Variants in ITIH5 observed in about 807,000 individuals in gnomAD.
ITIH5 encodes the protein inter-alpha-trypsin inhibitor heavy chain H5.
ITIH5 carries 65 observed loss-of-function variants against 77.5 expected under a neutral mutation model. The ratio of observed to expected loss-of-function variants is 0.84; its 90% CI spans 0.69 to 1.03. The LOEUF (loss-of-function observed/expected upper bound fraction) is 1.03, where lower values mean the gene tolerates loss of function less well. ITIH5 is among the 50% of genes least tolerant of loss of function. The pLI is 0.00. For missense variants in ITIH5, 1,208 were observed against 1,213.1 expected (o/e 1.00, Z 0.06); for synonymous variants, 525 against 494.3 (o/e 1.06, Z -0.82).
At position 7,637,221 on chromosome 10, in the gene ITIH5, G is replaced by A. The variant is rs1833812608; in HGVS notation, c.652+7C>T. The A allele has an allele frequency of 1.2e-6, 2 of 1,604,600 alleles. No homozygotes were observed. The highest frequency in any genetic ancestry group is 1.7e-6 in the Non-Finnish European group (2 of 1,179,380). ...AGATCTGCACGAACCCAGCACGCAGGACTCACCTTCCCCGCGCCCACTGCC... is the reference window on the plus strand; with the variant it reads ...AGATCTGCACGAACCCAGCACGCAGAACTCACCTTCCCCGCGCCCACTGCC... On this transcript the variant is annotated splice_region_variant and intron_variant, in intron 5 of 13. Coordinates refer to ENST00000397146, the MANE Select transcript of ITIH5 (RefSeq NM_030569.7).
At chr10:7,573,065 AG>A (rs1832336475) in intron 11 of ITIH5, 76 bp downstream of exon 11, 1 of 1,379,484 alleles carries the variant, frequency 7.2e-7, no homozygotes, top group Non-Finnish European at 1.0e-6. Flanking sequence ...GGCGTGAGCC[AG>A]TACACCTGGC....
chr10:7,589,074 G>A (rs989639140), intron 7 of ITIH5, among the ~76,000 whole-genome samples: 1 of 152,262 alleles, frequency 6.6e-6, no homozygotes, highest in Non-Finnish European at 1.5e-5. Context: ...CCAAGTCCCT[G>A]TATGTTGATG....
chr10:7,581,978 CA>C (rs1832569397), intron 8 of ITIH5, among the ~76,000 whole-genome samples: 1 of 149,180 alleles, frequency 6.7e-6, no homozygotes, highest in Non-Finnish European at 1.5e-5. Flanking sequence ...TGTGTTCAAG[CA>C]ATTCTCCTGC....
At chr10:7,582,168 C>G (rs1832579025) in intron 8 of ITIH5, among the ~76,000 whole-genome samples, 1 of 152,188 alleles carries the variant, frequency 6.6e-6, no homozygotes, top group Non-Finnish European at 1.5e-5. Context: ...GCCACAGCAC[C>G]TGGCCCCATG....
intron 5 of ITIH5, chr10:7,619,227 T>C (rs1395355630): frequency 6.6e-6 from 1 of 152,340 alleles, no homozygotes; most frequent in Non-Finnish European, 1.5e-5. Context: ...CAATCTCTCA[T>C]TGGTGGTCAT....
intron 7 of ITIH5, among the ~76,000 whole-genome samples, chr10:7,596,619 C>T (rs1316201749): frequency 1.3e-5 from 2 of 152,180 alleles, no homozygotes; most frequent in Non-Finnish European, 2.9e-5. Flanking sequence ...TCACGCTGTT[C>T]TCCTGAGTGG....
chr10:7,574,794 G>GAAAAAAAAAAAAAAAAAAAACAA (rs59563530), intron 10 of ITIH5, among the ~76,000 whole-genome samples: 1 of 85,658 alleles, frequency 1.2e-5, no homozygotes. Flanking sequence ...CTCCATCTCG[G>GAAAAAAAAAAAAAAAAAAAACAA]AAAAAAAAAA....
intron 13 of ITIH5, among the ~76,000 whole-genome samples, chr10:7,565,029 C>T (rs1463948060): frequency 6.9e-6 from 1 of 143,970 alleles, no homozygotes; most frequent in Admixed American, 7.1e-5. Context: ...TATATACATA[C>T]ATAGACTGTA....
At chr10:7,602,286 C>A (rs4747540) in intron 7 of ITIH5, among the ~76,000 whole-genome samples, 147,090 of 152,274 alleles carry the variant, frequency 0.97, 71,180 homozygotes, top group Non-Finnish European at 1. Context: ...CATCTGAATA[C>A]CTTCACCACC....
At chr10:7,591,316 C>T (rs34867465) in intron 7 of ITIH5, among the ~76,000 whole-genome samples, 5,917 of 152,312 alleles carry the variant, frequency 0.039, 152 homozygotes, top group Non-Finnish European at 0.062. Context: ...TGCCCACACC[C>T]AGCTTCCCTA....
At chr10:7,636,831 A>G (rs1833805298) in intron 5 of ITIH5, among the ~76,000 whole-genome samples, 1 of 152,122 alleles carries the variant, frequency 6.6e-6, no homozygotes, top group South Asian at 2.1e-4. Flanking sequence ...AGGCGGGTGG[A>G]TCACGAGGTC....
intron 9 of ITIH5, among the ~76,000 whole-genome samples, chr10:7,579,521 A>C (rs915302969): frequency 9.3e-5 from 14 of 149,788 alleles, no homozygotes; most frequent in African/African-American, 3.6e-4. Flanking sequence ...GCGAAACTCC[A>C]TCACAAGAAA....
chr10:7,649,504 GGATA>G (rs1049401520), intron 2 of ITIH5, among the ~76,000 whole-genome samples: 2 of 148,934 alleles, frequency 1.3e-5, no homozygotes, highest in Admixed American at 6.7e-5. Flanking sequence ...GTGGATAGAT[GGATA>G]GATAGATAGA....
At chr10:7,567,318 T>TA (rs1293886616) in intron 12 of ITIH5, among the ~76,000 whole-genome samples, 13 of 120,942 alleles carry the variant, frequency 1.1e-4, no homozygotes, top group East Asian at 4.8e-4. Context: ...TTCGGACATC[T>TA]TTTATTATTA....
At chr10:7,593,728 C>A (rs111488182) in intron 7 of ITIH5, among the ~76,000 whole-genome samples, 1 of 79,212 alleles carries the variant, frequency 1.3e-5, no homozygotes. Flanking sequence ...CAGCCCCACT[C>A]ACCCCTGCAG....
At position 7,562,899 on chromosome 10, in the gene ITIH5, T is replaced by TA; in HGVS notation, c.*183_*184insT. ...GGGAAATGACATTTGCACTCAGGCT[T>TA]CCCGCCCCTACCCACCCCTACCCTT... On this transcript the variant is annotated 3_prime_UTR_variant, in exon 14 of 14. Transcript: ENST00000397146. 1 of 619,922 alleles carries TA rather than the reference T, an allele frequency of 1.6e-6. No homozygotes were observed. Among genetic ancestry groups the TA allele is most frequent in the Non-Finnish European group, 2.9e-6 (1 of 341,628 alleles). The allele number at this position is 619,922 out of a possible 1,614,324, so 38.4% of individuals were successfully genotyped here.
intron 7 of ITIH5, among the ~76,000 whole-genome samples, chr10:7,588,027 C>T (rs1470954208): frequency 6.6e-6 from 1 of 152,246 alleles, no homozygotes; most frequent in African/African-American, 2.4e-5. Flanking sequence ...CACTGTCCAA[C>T]TTGAATTTGT....
intron 2 of ITIH5, among the ~76,000 whole-genome samples, chr10:7,649,379 T>C (rs2131097449): frequency 1.3e-5 from 2 of 152,232 alleles, no homozygotes; most frequent in South Asian, 4.1e-4. Flanking sequence ...GACATAATAG[T>C]GCTTAACATG....
At chr10:7,613,245 CAAAAAAAAAA>C (rs58021308) in intron 7 of ITIH5, among the ~76,000 whole-genome samples, 1 of 143,552 alleles carries the variant, frequency 7.0e-6, no homozygotes, top group Non-Finnish European at 1.5e-5. Flanking sequence ...GACTTCGTCT[CAAAAAAAAAA>C]AAAAAAAAAA....
Sources: gnomAD v4.1 joint callset for allele counts (sites outside exome capture counted in the v4.1 genomes callset) on GRCh38, gnomAD v4.1.1 for gene constraint, MANE v1.5 for transcripts, NCBI Gene and HGNC (gene_info 2026-07-23, HGNC 2026-07-21) for gene names.